Variants in CACNA2D3 observed in about 807,000 individuals in gnomAD.
The protein encoded by CACNA2D3 is voltage-dependent calcium channel subunit alpha-2/delta-3.
Under a neutral mutation model 160.6 loss-of-function variants are expected in CACNA2D3, and 60 were observed. That is an observed-to-expected ratio of 0.37 (90% CI 0.30 to 0.46). The LOEUF (loss-of-function observed/expected upper bound fraction) is 0.46, where lower values mean the gene tolerates loss of function less well. Among genes scored for constraint, CACNA2D3 ranks in the 20% least tolerant of loss-of-function variants. The probability of loss-of-function intolerance (pLI) is 1.00; values close to 1 mark genes in which losing one functional copy is unlikely to be tolerated. For missense variants in CACNA2D3, 1,205 were observed against 1,365.0 expected (o/e 0.88, Z 1.85); for synonymous variants, 558 against 492.9 (o/e 1.13, Z -1.75).
chr3:54,584,398 C>G (rs536166262), intron 9 of CACNA2D3, among the ~76,000 whole-genome samples: 1 of 152,204 alleles, frequency 6.6e-6, no homozygotes, highest in African/African-American at 2.4e-5. Context: ...TAAATAAAAG[C>G]TCACTGATGA....
intron 17 of CACNA2D3, 77 bp from the exon 18 acceptor site, chr3:54,871,462 G>T: frequency 1.9e-6 from 2 of 1,074,658 alleles, no homozygotes; most frequent in East Asian, 2.4e-5. Context: ...AACAGGACTT[G>T]GGAAGGTAAA....
intron 5 of CACNA2D3, among the ~76,000 whole-genome samples, chr3:54,531,949 C>T (rs1017975775): frequency 6.6e-6 from 1 of 152,218 alleles, no homozygotes; most frequent in Non-Finnish European, 1.5e-5. Context: ...TTTTTCATTT[C>T]ACCCTTGGCT....
intron 4 of CACNA2D3, among the ~76,000 whole-genome samples, chr3:54,431,368 AAATAT>A (rs1398578333): frequency 2.6e-5 from 4 of 152,040 alleles, no homozygotes; most frequent in South Asian, 2.1e-4. Flanking sequence ...AAAGAAGATA[AAATAT>A]AATATAGAAT....
chr3:54,546,337 G>C (rs780838395), intron 5 of CACNA2D3, among the ~76,000 whole-genome samples: 5 of 152,172 alleles, frequency 3.3e-5, no homozygotes, highest in Admixed American at 2.0e-4. Context: ...AAGGTATTTT[G>C]AGTAGGTGTG....
At chr3:54,256,581 T>TTA (rs1702297827) in intron 2 of CACNA2D3, among the ~76,000 whole-genome samples, 1 of 152,114 alleles carries the variant, frequency 6.6e-6, no homozygotes, top group Non-Finnish European at 1.5e-5. Context: ...CTCCCCAAGT[T>TTA]TATGCTGCTT....
chr3:54,416,788 T>G (rs1440752595), intron 4 of CACNA2D3, among the ~76,000 whole-genome samples: 1 of 152,216 alleles, frequency 6.6e-6, no homozygotes, highest in Non-Finnish European at 1.5e-5. Flanking sequence ...AATATATAAC[T>G]ATACAATTAA....
intron 12 of CACNA2D3, among the ~76,000 whole-genome samples, chr3:54,760,632 G>T (rs933181326): frequency 6.6e-6 from 1 of 152,142 alleles, no homozygotes; most frequent in Non-Finnish European, 1.5e-5. Context: ...TGTGGACTCT[G>T]GGTGAGAGAT....
intron 3 of CACNA2D3, among the ~76,000 whole-genome samples, chr3:54,358,924 A>G (rs2107539612): frequency 6.6e-6 from 1 of 152,150 alleles, no homozygotes; most frequent in African/African-American, 2.4e-5. Flanking sequence ...ACCTTCCTTT[A>G]CTTCCTCTCA....
At position 54,665,676 on chromosome 3, in the gene CACNA2D3, G is replaced by T. The variant is rs2106888862; in HGVS notation, c.1167+23435G>T. Among the ~76,000 whole-genome samples, 2 of 152,218 alleles carry T rather than the reference G, an allele frequency of 1.3e-5. 1 individual carries two copies. Among genetic ancestry groups the T allele is most frequent in the East Asian group, 3.9e-4 (2 of 5,180 alleles). ...CAGAGATAGGAAGAGACTACTGACA[G>T]GGGCCAAAGGGAAAGAGTTCTTTGG... On this transcript the variant is annotated intron_variant, in intron 11 of 37. Coordinates refer to ENST00000474759, the MANE Select transcript of CACNA2D3 (RefSeq NM_018398.3).
chr3:55,015,859 C>T (rs1703316528), intron 34 of CACNA2D3, among the ~76,000 whole-genome samples: 1 of 152,166 alleles, frequency 6.6e-6, no homozygotes, highest in Non-Finnish European at 1.5e-5. Context: ...AACAGACGCA[C>T]TGAAAAAGAT....
intron 26 of CACNA2D3, among the ~76,000 whole-genome samples, chr3:54,898,913 G>A (rs17054525): frequency 0.23 from 35,525 of 152,106 alleles, 4,355 homozygotes; most frequent in African/African-American, 0.3. Flanking sequence ...AGCTCTCTCT[G>A]ATTTTCTCTG....
At chr3:55,044,996 CTAA>C (rs1384860672) in intron 35 of CACNA2D3, among the ~76,000 whole-genome samples, 2 of 152,046 alleles carry the variant, frequency 1.3e-5, no homozygotes, top group African/African-American at 4.8e-5. Context: ...ATTCAAATTG[CTAA>C]TATTATGTTG....
chr3:54,675,469 A>G (rs1700228454), intron 11 of CACNA2D3, among the ~76,000 whole-genome samples: 1 of 152,058 alleles, frequency 6.6e-6, no homozygotes, highest in Admixed American at 6.5e-5. Context: ...ACAGAGGAAA[A>G]AAGTGGTGAA....
rs973748897 is a variant in CACNA2D3, at chr3:54,268,591, G to A, written c.205-51851G>A. ...CGCCTGGCTAATTTCTATATTTTTA[G>A]TAGAGATGGGGTTTCATCATATTGG... On this transcript the variant is annotated intron_variant, in intron 2 of 37. Coordinates refer to ENST00000474759, the MANE Select transcript of CACNA2D3 (RefSeq NM_018398.3). Among the ~76,000 whole-genome samples the A allele has an allele frequency of 3.3e-5, 5 of 152,226 alleles. No homozygotes were observed. In the East Asian group the frequency reaches 7.7e-4, roughly 24 times the overall value.
chr3:54,822,783 TTTCTTTC>T lies in CACNA2D3; in HGVS notation c.1398+5914_1398+5920del, dbSNP rs1703649079. 1.5e-4 allele frequency among the ~76,000 whole-genome samples: 12 copies of T among 82,442 alleles called. 2 individuals are homozygous for T. The highest frequency in any genetic ancestry group is 4.7e-4 in the South Asian group (1 of 2,136). The allele number at this position is 82,442 out of a possible 152,430, so 54.1% of individuals were successfully genotyped here. On this transcript the variant is annotated intron_variant, in intron 14 of 37. Coordinates refer to ENST00000474759, the MANE Select transcript of CACNA2D3 (RefSeq NM_018398.3). Reference sequence around the variant, plus strand: ...CTTTCTTTCTTTCTTTCTTTCTTTCTTTCTTTCCTTTCTTTCTTTCTTTCTTTCTTTC... The same window carrying T: ...CTTTCTTTCTTTCTTTCTTTCTTTCTCTTTCTTTCTTTCTTTCTTTCTTTC...
chr3:54,613,914 A>G (rs1348212600), intron 9 of CACNA2D3, among the ~76,000 whole-genome samples: 2 of 152,060 alleles, frequency 1.3e-5, no homozygotes, highest in Admixed American at 6.5e-5. Context: ...TCTGTTTTAT[A>G]CTACGAAATA....
At chr3:54,910,911 G>A (rs1427298083) in intron 27 of CACNA2D3, among the ~76,000 whole-genome samples, 1 of 151,996 alleles carries the variant, frequency 6.6e-6, no homozygotes, top group Non-Finnish European at 1.5e-5. Context: ...TTTAAACAAA[G>A]CATGTCATCT....
intron 9 of CACNA2D3, among the ~76,000 whole-genome samples, chr3:54,608,314 T>C (rs982840500): frequency 3.9e-5 from 6 of 152,216 alleles, no homozygotes; most frequent in African/African-American, 1.4e-4. Flanking sequence ...TTTGCAACTT[T>C]TATGTCAGTC....
In CACNA2D3 at chr3:54,581,850, G is replaced by C; in HGVS notation, c.936G>C (p.Leu312Phe). ...TGGAACCTTGCCTGAATGGAACTTT[G>C]GTGCAAGCCGACAGGACAAACAAAG... The part of the protein sequence containing the change: ...HYVEPCLNGT[L>F]VQADRTNKEH... Residue 312 changes from leucine to phenylalanine, a missense_variant, in exon 9 of 38, where the codon TTG becomes TTC. Around this residue, in one of 3 missense-constraint regions of CACNA2D3, gnomAD observed 911 missense variants for 1,002.2 expected, o/e 0.91. Coordinates refer to ENST00000474759, the MANE Select transcript of CACNA2D3 (RefSeq NM_018398.3). 1 of 1,613,730 alleles carries C rather than the reference G, an allele frequency of 6.2e-7. No homozygotes were observed. Among genetic ancestry groups the C allele is most frequent in the Non-Finnish European group, 8.5e-7 (1 of 1,179,848 alleles).
Sources: allele counts gnomAD v4.1 joint callset (sites outside exome capture counted in the v4.1 genomes callset), GRCh38; gene constraint gnomAD v4.1.1; regional missense constraint gnomAD v4.1.1; transcripts MANE v1.5; gene names NCBI Gene and HGNC (gene_info 2026-07-23, HGNC 2026-07-21).